Variants in COPS2 observed in about 807,000 individuals in gnomAD.
COPS2 encodes the protein COP9 signalosome complex subunit 2.
In COPS2, 10 loss-of-function variants were observed where a neutral mutation model predicts 66.1. The ratio of observed to expected loss-of-function variants is 0.15; its 90% CI spans 0.09 to 0.26. The LOEUF (loss-of-function observed/expected upper bound fraction) is 0.26. COPS2 is among the 10% of genes least tolerant of loss of function. The probability of loss-of-function intolerance (pLI) is 1.00; values close to 1 mark genes in which losing one functional copy is unlikely to be tolerated. For missense variants in COPS2, 215 were observed against 513.3 expected (o/e 0.42, Z 5.62); for synonymous variants, 179 against 171.3 (o/e 1.04, Z -0.35).
intron 4 of COPS2, among the ~76,000 whole-genome samples, chr15:49,138,665 A>G (rs906995866): frequency 6.6e-6 from 1 of 152,170 alleles, no homozygotes; most frequent in Non-Finnish European, 1.5e-5. Flanking sequence ...ACCTTCCTCT[A>G]TTGGCATTAC....
At chr15:49,139,705 T>C (rs1476835889) in intron 3 of COPS2, 52 bp from the exon 4 acceptor site, 7 of 1,350,456 alleles carry the variant, frequency 5.2e-6, no homozygotes, top group Non-Finnish European at 6.2e-6. Context: ...TACTAAAATA[T>C]GTACACATGA....
At chr15:49,134,898 A>G (rs534072096) in intron 6 of COPS2, among the ~76,000 whole-genome samples, 61 of 152,210 alleles carry the variant, frequency 4.0e-4, no homozygotes, top group Non-Finnish European at 6.9e-4. Context: ...AAGCAAAACA[A>G]TGTACAATGA....
chr15:49,123,894 T>G lies in COPS2; in HGVS notation c.*4056A>C, dbSNP rs1291017368. ...TAAGTGATGCTAAACTTTAGCATTTTGAGAAACATGTAGAATCACTAGTTG... is the reference window on the plus strand; with the variant it reads ...TAAGTGATGCTAAACTTTAGCATTTGGAGAAACATGTAGAATCACTAGTTG... On this transcript the variant is annotated 3_prime_UTR_variant, in exon 13 of 13. Transcript: ENST00000388901. 6.6e-6 allele frequency: 1 copy of G among 152,182 alleles called. No individual in the cohort carries two copies. Among genetic ancestry groups the G allele is most frequent in the African/African-American group, 2.4e-5 (1 of 41,454 alleles). The allele number at this position is 152,182 out of a possible 1,614,324, so 9.4% of individuals were successfully genotyped here.
intron 3 of COPS2, 65 bp downstream of exon 3, chr15:49,144,161 CT>C: frequency 1.0e-6 from 1 of 989,916 alleles, no homozygotes; most frequent in Non-Finnish European, 1.6e-6. Flanking sequence ...TATAATAGTA[CT>C]TTGTCGTGAT....
chr15:49,135,303 C>T (rs187057753), intron 6 of COPS2, among the ~76,000 whole-genome samples: 1 of 152,260 alleles, frequency 6.6e-6, no homozygotes, highest in African/African-American at 2.4e-5. Flanking sequence ...ATCTTCACAA[C>T]TGCTTTAGAA....
chr15:49,146,902 C>G (rs1304011790), intron 1 of COPS2, among the ~76,000 whole-genome samples: 1 of 152,172 alleles, frequency 6.6e-6, no homozygotes, highest in African/African-American at 2.4e-5. Flanking sequence ...ATCTAGTTCT[C>G]CCTCATTCAC....
chr15:49,127,503 CATTTT>C lies in COPS2; in HGVS notation c.*442_*446del, dbSNP rs1383064844. 1.3e-5 allele frequency: 2 copies of C among 153,564 alleles called. No homozygotes were observed. Among genetic ancestry groups the C allele is most frequent in the Non-Finnish European group, 2.9e-5 (2 of 68,730 alleles). The allele number at this position is 153,564 out of a possible 1,614,324, so 9.5% of individuals were successfully genotyped here. A position where few individuals can be genotyped will look rare whatever the true frequency, so the allele number is the denominator to read the frequency against. On this transcript the variant is annotated 3_prime_UTR_variant, in exon 13 of 13. Transcript: ENST00000388901. Reference sequence around the variant, plus strand: ...TTGACATTTTGCAAAATGCAGCAAACATTTTAATTTATACATGAGAAAAGGAAGTG... The same window carrying C: ...TTGACATTTTGCAAAATGCAGCAAACAATTTATACATGAGAAAAGGAAGTG...
chr15:49,144,851 A>G, intron 2 of COPS2, 114 bp downstream of exon 2: 2 of 589,514 alleles, frequency 3.4e-6, no homozygotes, highest in Admixed American at 3.5e-5. Flanking sequence ...GCTAACTGAT[A>G]GGATAATTAA....
chr15:49,135,860 T>C (rs1164395864), intron 6 of COPS2, among the ~76,000 whole-genome samples: 4 of 152,226 alleles, frequency 2.6e-5, no homozygotes, highest in African/African-American at 9.6e-5. Context: ...TTTACCATCC[T>C]GATAGCATTT....
intron 3 of COPS2, among the ~76,000 whole-genome samples, chr15:49,141,713 G>C (rs771605844): frequency 6.6e-5 from 10 of 152,054 alleles, no homozygotes; most frequent in Non-Finnish European, 1.3e-4. Flanking sequence ...AAAACGAGAG[G>C]GGCAGGTACA....
intron 11 of COPS2, 74 bp from the exon 12 acceptor site, chr15:49,128,834 T>A: frequency 9.9e-7 from 1 of 1,010,918 alleles, no homozygotes; most frequent in Non-Finnish European, 1.5e-6. Flanking sequence ...ATTCTAATTT[T>A]AATTCATTTC....
chr15:49,133,927 T>C lies in COPS2; in HGVS notation c.894+3A>G, dbSNP rs1235590813. 1.2e-6 allele frequency: 2 copies of C among 1,605,072 alleles called. No individual in the cohort carries two copies. Among genetic ancestry groups the C allele is most frequent in the African/African-American group, 2.7e-5 (2 of 74,560 alleles). ...GAGAAATTAACAATTAAAACACACG[T>C]ACCTCCTGTGAGTCAAATGGATTTA... On this transcript the variant is annotated splice_donor_region_variant and intron_variant, in intron 8 of 12. Coordinates refer to ENST00000388901, the MANE Select transcript of COPS2 (RefSeq NM_004236.4).
At chr15:49,144,421 A>C in intron 2 of COPS2, 117 bp from the exon 3 acceptor site, 1 of 608,014 alleles carries the variant, frequency 1.6e-6, no homozygotes, top group Non-Finnish European at 2.9e-6. Context: ...ACATTTCCCC[A>C]AGGATACCAC....
At position 49,135,991 on chromosome 15, in the gene COPS2, C is replaced by G. The variant is rs540519806; in HGVS notation, c.540+1159G>C. Among the ~76,000 whole-genome samples the G allele has an allele frequency of 8.7e-4, 132 of 152,302 alleles. 1 individual carries two copies. The highest frequency in any genetic ancestry group is 3.0e-3 in the African/African-American group (123 of 41,570). On this transcript the variant is annotated intron_variant, in intron 6 of 12. Coordinates refer to ENST00000388901, the MANE Select transcript of COPS2 (RefSeq NM_004236.4). The stretch of plus-strand genomic sequence containing the variant: ...CATTTCCATTTCATAGGGAACTGAA[C>G]CTCCAGTTGGTTATGCATCAGACTA...
chr15:49,149,600 G>A (rs1261947102), intron 1 of COPS2, among the ~76,000 whole-genome samples: 1 of 152,170 alleles, frequency 6.6e-6, no homozygotes, highest in Admixed American at 6.5e-5. Context: ...AAAATAAAAG[G>A]TGGATAAACA....
rs539631141 is a variant in COPS2, at chr15:49,127,187, C to T, written c.*763G>A. 4 of 152,250 alleles carry T rather than the reference C, an allele frequency of 2.6e-5. No homozygotes were observed. In the East Asian group the frequency reaches 7.7e-4, roughly 29 times the overall value. The allele number at this position is 152,250 out of a possible 1,614,324, so 9.4% of individuals were successfully genotyped here. The stretch of plus-strand genomic sequence containing the variant: ...TAGAAAGTAGTTCTCCTTACTCTAT[C>T]AATAAAGACTACTTTTAAAAACTTG... On this transcript the variant is annotated 3_prime_UTR_variant, in exon 13 of 13. Coordinates refer to ENST00000388901, the MANE Select transcript of COPS2 (RefSeq NM_004236.4).
intron 4 of COPS2, among the ~76,000 whole-genome samples, chr15:49,138,595 T>C (rs565213168): frequency 1.4e-4 from 21 of 152,304 alleles, no homozygotes; most frequent in African/African-American, 4.1e-4. Context: ...CCATGATATA[T>C]AGCTTAACTC....
At chr15:49,155,009 A>G (rs892786189) in intron 1 of COPS2, among the ~76,000 whole-genome samples, 1 of 152,192 alleles carries the variant, frequency 6.6e-6, no homozygotes, top group Non-Finnish European at 1.5e-5. Context: ...TGGCAAGACT[A>G]TTTAAGCTAT....
chr15:49,140,773 T>G (rs1229400445), intron 3 of COPS2, among the ~76,000 whole-genome samples: 1 of 152,082 alleles, frequency 6.6e-6, no homozygotes, highest in Non-Finnish European at 1.5e-5. Flanking sequence ...ATCAAAGACA[T>G]GAAGCATTGG....
Sources: gnomAD v4.1 joint callset for allele counts (sites outside exome capture counted in the v4.1 genomes callset) on GRCh38, gnomAD v4.1.1 for gene constraint, MANE v1.5 for transcripts, NCBI Gene and HGNC (gene_info 2026-07-23, HGNC 2026-07-21) for gene names.